ADCK2: variants seen among roughly 807,000 people sequenced by gnomAD.
The protein encoded by ADCK2 is uncharacterized aarF domain-containing protein kinase 2.
A neutral mutation model predicts 52.3 loss-of-function variants in ADCK2; 37 were observed. The observed-to-expected ratio is 0.71, with a 90% CI of 0.54 to 0.93. The LOEUF is 0.93. Among genes scored for constraint, ADCK2 ranks in the 40% least tolerant of loss-of-function variants. ADCK2 has a pLI of 0.00. For missense variants in ADCK2, 695 were observed against 798.7 expected (o/e 0.87, Z 1.56); for synonymous variants, 321 against 349.2 (o/e 0.92, Z 0.90).
chr7:140,674,815 G>A lies in ADCK2; in HGVS notation c.1080+58G>A. 6.4e-7 allele frequency: 1 copy of A among 1,556,222 alleles called. No homozygotes were observed. Among genetic ancestry groups the A allele is most frequent in the Non-Finnish European group, 8.8e-7 (1 of 1,142,210 alleles). ...CCTAACATAGTTCTTGCCATTAGCT[G>A]CTACTTAGTAAATGTTGAATGAATA... On this transcript the variant is annotated intron_variant, in intron 2 of 7. Coordinates refer to ENST00000072869, the MANE Select transcript of ADCK2 (RefSeq NM_052853.4). The surrounding 1 kb of genome is among the most constrained non-coding windows in gnomAD (Gnocchi z 4.6).
chr7:140,691,677 C>T (rs1299971291), intron 7 of ADCK2, among the ~76,000 whole-genome samples: 1 of 152,204 alleles, frequency 6.6e-6, no homozygotes, highest in Admixed American at 6.5e-5. Flanking sequence ...TGGCCAGGGA[C>T]AAGCAGTGTT....
At position 140,689,732 on chromosome 7, in the gene ADCK2, A is replaced by G. The variant is rs1309373656; in HGVS notation, c.1686+7A>G. The G allele has an allele frequency of 6.2e-7, 1 of 1,608,946 alleles. No homozygotes were observed. Among genetic ancestry groups the G allele is most frequent in the South Asian group, 1.1e-5 (1 of 90,278 alleles). ...CACCATCACCCTGGAGAAGGTGGGC[A>G]GGTCACTTGCGGAACAGGGGCTGGG... On this transcript the variant is annotated splice_region_variant and intron_variant, in intron 6 of 7. Transcript: ENST00000072869.
chr7:140,674,569 T>C lies in ADCK2; in HGVS notation c.934-42T>C. 1 of 1,590,410 alleles carries C rather than the reference T, an allele frequency of 6.3e-7. No homozygotes were observed. Among genetic ancestry groups the C allele is most frequent in the Non-Finnish European group, 8.6e-7 (1 of 1,164,588 alleles). On this transcript the variant is annotated intron_variant, in intron 1 of 7. Coordinates refer to ENST00000072869, the MANE Select transcript of ADCK2 (RefSeq NM_052853.4). This position sits in a 1 kb window ranked among gnomAD's most constrained non-coding sequence, Gnocchi z 4.6. ...CCCAGCCCTGGCTGGGTAAAATGTG[T>C]CCAGCAGGTTTCTCCTGTCTCACGG...
At chr7:140,681,202 T>C (rs943063330) in intron 4 of ADCK2, 65 bp downstream of exon 4, 8 of 1,479,716 alleles carry the variant, frequency 5.4e-6, no homozygotes, top group South Asian at 2.3e-5. Context: ...GGGAGTGGGC[T>C]GGGACTCTGG....
rs528481119 is a variant in ADCK2 at position 140,683,263 on chromosome 7, G to A, written c.1305+2126G>A. On this transcript the variant is annotated intron_variant, in intron 4 of 7. Coordinates refer to ENST00000072869, the MANE Select transcript of ADCK2 (RefSeq NM_052853.4). ...TCACAGCACTGCACTCCAGCCTGGCGACAGAGCGAGACTCCGTCTAAACAA... is the reference window on the plus strand; with the variant it reads ...TCACAGCACTGCACTCCAGCCTGGCAACAGAGCGAGACTCCGTCTAAACAA... 1.1e-4 allele frequency among the ~76,000 whole-genome samples: 16 copies of A among 152,190 alleles called. No individual in the cohort carries two copies. In the South Asian group the frequency reaches 3.3e-3, roughly 32 times the overall value.
chr7:140,673,519 C>A lies in ADCK2; in HGVS notation c.189C>A (p.Asp63Glu), dbSNP rs760917464. 18 of 1,600,260 alleles carry A rather than the reference C, an allele frequency of 1.1e-5. No individual in the cohort carries two copies. The highest frequency in any genetic ancestry group is 1.4e-5 in the Non-Finnish European group (17 of 1,176,314). Residue 63 changes from aspartate (D) to glutamate (E), a missense_variant, in exon 1 of 8, where the codon GAC (aspartate) becomes GAA (glutamate). Asp to Glu is a conservative substitution (Grantham distance 45). Coordinates refer to ENST00000072869, the MANE Select transcript of ADCK2 (RefSeq NM_052853.4). The surrounding 1 kb of genome is among the most constrained non-coding windows in gnomAD (Gnocchi z 6.4). ...LCGDVGEGAP[D>E]VLSRRRVRCS... is the part of the protein sequence containing the mutation. ...GGGACGTGGGTGAGGGGGCCCCTGACGTTCTGAGTCGGCGAAGGGTCCGCT... is the reference window on the plus strand; with the variant it reads ...GGGACGTGGGTGAGGGGGCCCCTGAAGTTCTGAGTCGGCGAAGGGTCCGCT...
chr7:140,694,846 C>T lies in ADCK2; in HGVS notation c.*43C>T. The stretch of plus-strand genomic sequence containing the variant: ...TGGGCCCTTGTCAAGAGCTGGAGGC[C>T]ACTCCCAAGAGCCTCTCCTATGGCA... On this transcript the variant is annotated 3_prime_UTR_variant, in exon 8 of 8. Transcript: ENST00000072869. The T allele has an allele frequency of 6.3e-7, 1 of 1,579,510 alleles. No homozygotes were observed. The highest frequency in any genetic ancestry group is 8.6e-7 in the Non-Finnish European group (1 of 1,164,110).
Position 140,672,960 on chromosome 7 carries a change from T to C in ADCK2, c.-371T>C, listed in dbSNP as rs1801653511. On this transcript the variant is annotated 5_prime_UTR_variant, in exon 1 of 8. Coordinates refer to ENST00000072869, the MANE Select transcript of ADCK2 (RefSeq NM_052853.4). Reference sequence around the variant, plus strand: ...GCTGGTGCCCGCCACCCCAGCGATCTCATACTGGCCCCTGGGCGCACGGTG... The same window carrying C: ...GCTGGTGCCCGCCACCCCAGCGATCCCATACTGGCCCCTGGGCGCACGGTG... 6.6e-6 allele frequency among the ~76,000 whole-genome samples: 1 copy of C among 150,530 alleles called. No individual in the cohort carries two copies. Among genetic ancestry groups the C allele is most frequent in the Non-Finnish European group, 1.5e-5 (1 of 67,470 alleles).
intron 3 of ADCK2, 75 bp downstream of exon 3, chr7:140,679,358 G>C: frequency 1.1e-5 from 17 of 1,580,210 alleles, no homozygotes; most frequent in Non-Finnish European, 1.5e-5. Context: ...CCCACAGAAA[G>C]GCTTCAGTCT....
rs1034896853 is a variant in ADCK2 at position 140,678,099 on chromosome 7, C to A, written c.1081-1056C>A. Among the ~76,000 whole-genome samples the A allele has an allele frequency of 6.6e-5, 10 of 152,252 alleles. No individual in the cohort carries two copies. Among genetic ancestry groups the A allele is most frequent in the Admixed American group, 4.6e-4 (7 of 15,296 alleles). ...GAGAGGAAGGATGGGTCAAGGAGCACACTCGAGGCACCTCTGTTTGTGCTC... is the reference window on the plus strand; with the variant it reads ...GAGAGGAAGGATGGGTCAAGGAGCAAACTCGAGGCACCTCTGTTTGTGCTC... On this transcript the variant is annotated intron_variant, in intron 2 of 7. Coordinates refer to ENST00000072869, the MANE Select transcript of ADCK2 (RefSeq NM_052853.4). The surrounding 1 kb of genome is among the most constrained non-coding windows in gnomAD (Gnocchi z 4.9).
chr7:140,689,128 C>T (rs543350200), intron 5 of ADCK2, among the ~76,000 whole-genome samples: 6 of 151,944 alleles, frequency 3.9e-5, no homozygotes, highest in Admixed American at 2.6e-4. Context: ...CCACCATGCC[C>T]GGCTAATTTT....
intron 4 of ADCK2, among the ~76,000 whole-genome samples, chr7:140,685,307 G>A (rs144248207): frequency 0.025 from 3,726 of 152,026 alleles, 156 homozygotes; most frequent in African/African-American, 0.084. Context: ...AAAATTAGCC[G>A]GGTGTGGTGG....
At chr7:140,688,066 A>G (rs564035181) in intron 5 of ADCK2, among the ~76,000 whole-genome samples, 2 of 145,934 alleles carry the variant, frequency 1.4e-5, no homozygotes, top group South Asian at 2.2e-4. Flanking sequence ...TTTTTTTGAG[A>G]CAGAGTCTCG....
chr7:140,673,881 G>T lies in ADCK2; in HGVS notation c.551G>T (p.Arg184Leu), dbSNP rs764838169. The T allele has an allele frequency of 1.2e-5, 20 of 1,613,884 alleles. No homozygotes were observed. Among genetic ancestry groups the T allele is most frequent in the Admixed American group, 1.7e-5 (1 of 60,006 alleles). ...CCCCACCCGTGGACTCACACTGAGCGCTTCCTTCGGCAGGCTTTTGGGGAT... is the reference window on the plus strand; with the variant it reads ...CCCCACCCGTGGACTCACACTGAGCTCTTCCTTCGGCAGGCTTTTGGGGAT... Reference protein sequence around the residue: ...VTPHPWTHTERFLRQAFGDDW... With the variant: ...VTPHPWTHTELFLRQAFGDDW... The change falls in exon 1 of 8, where the codon CGC becomes CTC. Residue 184 changes from arginine (R) to leucine (L), a missense_variant. Arg to Leu is a moderately radical substitution (Grantham distance 102). Coordinates refer to ENST00000072869, the MANE Select transcript of ADCK2 (RefSeq NM_052853.4). The surrounding 1 kb of genome is among the most constrained non-coding windows in gnomAD (Gnocchi z 6.4).
chr7:140,687,963 C>T (rs1794635736), intron 5 of ADCK2, among the ~76,000 whole-genome samples: 1 of 151,690 alleles, frequency 6.6e-6, no homozygotes, highest in Non-Finnish European at 1.5e-5. Context: ...AAGCCATCCT[C>T]CCATCTCAGC....
chr7:140,694,164 G>C (rs1246525427), intron 7 of ADCK2, among the ~76,000 whole-genome samples: 3 of 152,116 alleles, frequency 2.0e-5, no homozygotes, highest in African/African-American at 4.8e-5. Context: ...TTACAAAAAA[G>C]AGTCCCAGTC....
chr7:140,684,944 A>G (rs1794579950), intron 4 of ADCK2, among the ~76,000 whole-genome samples: 1 of 152,086 alleles, frequency 6.6e-6, no homozygotes. Context: ...CACAAGAGGG[A>G]TGTAGCCAGG....
At position 140,673,442 on chromosome 7, in the gene ADCK2, A is replaced by G. The variant is rs1405160459; in HGVS notation, c.112A>G (p.Arg38Gly). 1.2e-6 allele frequency: 2 copies of G among 1,606,406 alleles called. No homozygotes were observed. Among genetic ancestry groups the G allele is most frequent in the Non-Finnish European group, 1.7e-6 (2 of 1,176,852 alleles). ...LRPSECPRDA[R>G]LCWLLLGTLP... ...GCCCTCCGAGTGCCCTCGCGATGCC[A>G]GGCTCTGCTGGCTTCTGCTGGGCAC... The change falls in exon 1 of 8, where the codon AGG (arginine) becomes GGG (glycine). Residue 38 changes from arginine to glycine, a missense_variant. Coordinates refer to ENST00000072869, the MANE Select transcript of ADCK2 (RefSeq NM_052853.4). The surrounding 1 kb of genome is among the most constrained non-coding windows in gnomAD (Gnocchi z 6.4).
At position 140,693,956 on chromosome 7, in the gene ADCK2, G is replaced by A. The variant is rs1585857731; in HGVS notation, c.1741-707G>A. ...GATCTCCTGACCTCATGATCCGCCCGCCTCGGTCTCCCAAAGGGCTGGGAT... is the reference window on the plus strand; with the variant it reads ...GATCTCCTGACCTCATGATCCGCCCACCTCGGTCTCCCAAAGGGCTGGGAT... On this transcript the variant is annotated intron_variant, in intron 7 of 7. Transcript: ENST00000072869. The surrounding 1 kb of genome is among the most constrained non-coding windows in gnomAD (Gnocchi z 4.0). Among the ~76,000 whole-genome samples, 5 of 152,218 alleles carry A rather than the reference G, an allele frequency of 3.3e-5. No homozygotes were observed. In the East Asian group the frequency reaches 5.8e-4, roughly 18 times the overall value.
Sources: gnomAD v4.1 joint callset for allele counts (sites outside exome capture counted in the v4.1 genomes callset) on GRCh38, gnomAD v4.1.1 for gene constraint, Gnocchi (gnomAD v3.1) non-coding constraint, MANE v1.5 for transcripts, NCBI Gene and HGNC (gene_info 2026-07-23, HGNC 2026-07-21) for gene names.